Variants in GRIP1 observed in about 807,000 individuals in gnomAD.
The protein encoded by GRIP1 is glutamate receptor interacting protein 1.
In GRIP1, 45 loss-of-function variants were observed where a neutral mutation model predicts 129.9. The ratio of observed to expected loss-of-function variants is 0.35; its 90% CI spans 0.27 to 0.44. The LOEUF is 0.44. Ranked by LOEUF, GRIP1 falls within the 20% of genes least tolerant of loss-of-function variation. GRIP1 has a pLI of 1.00. For missense variants in GRIP1, 1,196 were observed against 1,396.8 expected, an observed-to-expected ratio of 0.86 and a Z score of 2.29; for synonymous variants, 530 against 520.8, an observed-to-expected ratio of 1.02 and a Z score of -0.24.
intron 1 of GRIP1, among the ~76,000 whole-genome samples, chr12:66,755,034 G>T (rs1469036290): frequency 6.6e-6 from 1 of 152,002 alleles, no homozygotes; most frequent in Non-Finnish European, 1.5e-5. Context: ...GAATACTGAT[G>T]GATATAACTT....
At position 66,465,412 on chromosome 12, in the gene GRIP1, T is replaced by C. The variant is rs373962048; in HGVS notation, c.735A>G (p.Ala245=). Residue 245 remains alanine (A), a synonymous_variant, in exon 8 of 25, where the codon GCA becomes GCG. Transcript: ENST00000359742. The part of the protein sequence containing the change: ...EYDVSVMDSV[A]TASGPLLVEV... ...CGACTAGTAGTGGCCCGGATGCTGT[T>C]GCCACAGAGTCTGTCAAAGAACAAA... 13 of 1,613,596 alleles carry C rather than the reference T, an allele frequency of 8.1e-6. No individual in the cohort carries two copies. Among genetic ancestry groups the C allele is most frequent in the Middle Eastern group, 1.6e-4 (1 of 6,084 alleles).
intron 13 of GRIP1, among the ~76,000 whole-genome samples, chr12:66,440,251 T>C (rs1043573400): frequency 2.6e-5 from 4 of 152,212 alleles, no homozygotes; most frequent in African/African-American, 4.8e-5. Flanking sequence ...CAATGCACAA[T>C]AACCACATCA....
At chr12:66,974,560 T>A (rs577141152) in intron 1 of GRIP1, among the ~76,000 whole-genome samples, 1 of 152,322 alleles carries the variant, frequency 6.6e-6, no homozygotes, top group South Asian at 2.1e-4. Context: ...ATTTTGACAT[T>A]GTCTAAACTA....
intron 2 of GRIP1, among the ~76,000 whole-genome samples, chr12:66,543,207 G>C (rs991246428): frequency 6.6e-6 from 1 of 152,096 alleles, no homozygotes; most frequent in Admixed American, 6.6e-5. Flanking sequence ...CAGCAGCCTA[G>C]AGAATGTCCT....
At chr12:66,953,964 C>A (rs1008799089) in intron 1 of GRIP1, among the ~76,000 whole-genome samples, 8 of 151,970 alleles carry the variant, frequency 5.3e-5, no homozygotes, top group Non-Finnish European at 8.8e-5. Context: ...TCCGACCCCC[C>A]AAAACTGTTA....
chr12:66,955,586 C>T (rs530352570), intron 1 of GRIP1, among the ~76,000 whole-genome samples: 1 of 147,392 alleles, frequency 6.8e-6, no homozygotes, highest in African/African-American at 2.5e-5. Context: ...CGGCTCACTG[C>T]AACCTCCACC....
chr12:66,475,316 T>C (rs1341273048), intron 7 of GRIP1, among the ~76,000 whole-genome samples: 4 of 152,224 alleles, frequency 2.6e-5, no homozygotes, highest in South Asian at 2.1e-4. Flanking sequence ...CAGGAGCACC[T>C]AGATTCATAC....
intron 19 of GRIP1, among the ~76,000 whole-genome samples, chr12:66,385,721 T>C (rs1314129624): frequency 2.0e-5 from 3 of 152,068 alleles, no homozygotes; most frequent in Non-Finnish European, 4.4e-5. Context: ...GCAATTCTCC[T>C]GCCTCAGCTT....
intron 7 of GRIP1, among the ~76,000 whole-genome samples, chr12:66,472,924 A>G (rs973882702): frequency 3.3e-5 from 5 of 152,144 alleles, no homozygotes; most frequent in Admixed American, 6.5e-5. Flanking sequence ...TGAGCTAGCT[A>G]CAGAAGTTTT....
intron 1 of GRIP1, among the ~76,000 whole-genome samples, chr12:66,701,145 C>T (rs2035336876): frequency 6.6e-6 from 1 of 152,138 alleles, no homozygotes; most frequent in Non-Finnish European, 1.5e-5. Flanking sequence ...CCTCCCTTTT[C>T]TACACACATC....
At chr12:66,490,679 C>T (rs2060082380) in intron 7 of GRIP1, among the ~76,000 whole-genome samples, 1 of 152,030 alleles carries the variant, frequency 6.6e-6, no homozygotes, top group Non-Finnish European at 1.5e-5. Flanking sequence ...GAAAAGACAA[C>T]CTACAAAATG....
At chr12:66,937,424 A>C (rs2041504542) in intron 1 of GRIP1, among the ~76,000 whole-genome samples, 1 of 152,208 alleles carries the variant, frequency 6.6e-6, no homozygotes, top group Admixed American at 6.5e-5. Context: ...GCACCTAGAA[A>C]AGTGCATAAC....
chr12:66,557,139 C>A (rs557116498), intron 2 of GRIP1, among the ~76,000 whole-genome samples: 216 of 152,090 alleles, frequency 1.4e-3, no homozygotes, highest in African/African-American at 5.1e-3. Context: ...AAAAGACATC[C>A]TATGCCAATG....
intron 9 of GRIP1, among the ~76,000 whole-genome samples, chr12:66,460,285 T>G (rs1460203920): frequency 6.6e-6 from 1 of 152,226 alleles, no homozygotes; most frequent in Admixed American, 6.5e-5. Flanking sequence ...CATTCCATGG[T>G]GACGTCACTA....
intron 1 of GRIP1, among the ~76,000 whole-genome samples, chr12:66,874,050 G>A (rs1181812317): frequency 6.6e-6 from 1 of 152,092 alleles, no homozygotes; most frequent in Non-Finnish European, 1.5e-5. Flanking sequence ...TCATCAGCAT[G>A]TGATCTGGTG....
chr12:66,552,057 T>C (rs2062159436), intron 2 of GRIP1, among the ~76,000 whole-genome samples: 1 of 152,118 alleles, frequency 6.6e-6, no homozygotes, highest in African/African-American at 2.4e-5. Context: ...CTGAGAAAGA[T>C]ATCAGGTAAG....
intron 1 of GRIP1, among the ~76,000 whole-genome samples, chr12:66,821,203 C>T (rs867866232): frequency 6.6e-6 from 1 of 152,110 alleles, no homozygotes; most frequent in Admixed American, 6.6e-5. Context: ...AAAAAATCAA[C>T]CTAGCCCTTT....
chr12:66,911,889 T>C (rs907160648), intron 1 of GRIP1, among the ~76,000 whole-genome samples: 6 of 152,240 alleles, frequency 3.9e-5, no homozygotes, highest in African/African-American at 1.4e-4. Flanking sequence ...CATCAATTCC[T>C]GGCACCAGCA....
chr12:66,404,658 A>G (rs2137644048), intron 16 of GRIP1, among the ~76,000 whole-genome samples: 2 of 152,322 alleles, frequency 1.3e-5, no homozygotes, highest in South Asian at 4.1e-4. Context: ...TTAATCTTAT[A>G]TAACCTATGA....
Sources: allele counts gnomAD v4.1 joint callset (sites outside exome capture counted in the v4.1 genomes callset), GRCh38; gene constraint gnomAD v4.1.1; transcripts MANE v1.5; gene names NCBI Gene and HGNC (gene_info 2026-07-23, HGNC 2026-07-21).